Variants in SVEP1 observed in about 807,000 individuals in gnomAD.
The protein encoded by SVEP1 is sushi, von Willebrand factor type A, EGF and pentraxin domain-containing protein 1.
A neutral mutation model predicts 367.3 loss-of-function variants in SVEP1; 164 were observed. That is an observed-to-expected ratio of 0.45 (90% CI 0.39 to 0.51). The LOEUF (loss-of-function observed/expected upper bound fraction) is 0.51. Among genes scored for constraint, SVEP1 ranks in the 20% least tolerant of loss-of-function variants. The pLI is 0.00. For synonymous variants in SVEP1, 1,666 were observed against 1,611.6 expected (o/e 1.03, Z -0.81); for missense variants, 4,117 against 4,425.3 (o/e 0.93, Z 1.98).
chr9:110,456,667 A>G (rs763996460), intron 21 of SVEP1, among the ~76,000 whole-genome samples: 1 of 152,226 alleles, frequency 6.6e-6, no homozygotes, highest in Non-Finnish European at 1.5e-5. Context: ...ATTATTTTAA[A>G]TTAATTGCAA....
intron 21 of SVEP1, 90 bp from the exon 22 acceptor site, chr9:110,455,793 A>C (rs1828768210): frequency 5.8e-6 from 6 of 1,041,492 alleles, no homozygotes; most frequent in Non-Finnish European, 8.0e-6. Flanking sequence ...TATCTCAATA[A>C]TCAGAATTTT....
At chr9:110,573,479 C>T (rs2118887614) in intron 1 of SVEP1, among the ~76,000 whole-genome samples, 1 of 152,268 alleles carries the variant, frequency 6.6e-6, no homozygotes, top group East Asian at 1.9e-4. Context: ...AGTCCTCTGA[C>T]CATCTAAAGC....
At chr9:110,429,859 A>G (rs1382749672) in intron 34 of SVEP1, 61 bp downstream of exon 34, 3 of 1,405,992 alleles carry the variant, frequency 2.1e-6, no homozygotes, top group African/African-American at 1.4e-5. Flanking sequence ...TTTCAGTGTT[A>G]TATCACTACC....
Position 110,456,049 on chromosome 9 carries a change from TA to T in SVEP1, c.3674-347del, listed in dbSNP as rs534937999. Among the ~76,000 whole-genome samples, 4 of 152,162 alleles carry T rather than the reference TA, an allele frequency of 2.6e-5. No homozygotes were observed. In the South Asian group the frequency reaches 8.3e-4, roughly 32 times the overall value. ...TATGTGCTACCAAGGTCACCTGGCT[TA>T]GGGGTGGAGGTGGGGCTAAAGCCTG... is the stretch of plus-strand genomic sequence containing the variant. On this transcript the variant is annotated intron_variant, in intron 21 of 47. Transcript: ENST00000374469.
intron 1 of SVEP1, among the ~76,000 whole-genome samples, chr9:110,564,803 T>C (rs1348290121): frequency 6.6e-6 from 1 of 151,620 alleles, no homozygotes; most frequent in Admixed American, 6.6e-5. Context: ...AGAAGATTAA[T>C]TATCTGTATT....
rs772156091 is a variant in SVEP1, at chr9:110,408,544, C to G, written c.7056G>C (p.Gly2352=). 19 of 1,613,760 alleles carry G rather than the reference C, an allele frequency of 1.2e-5. 1 individual carries two copies. In the East Asian group the frequency reaches 3.8e-4, roughly 32 times the overall value. ...VGVVTFSCKE[G]HVLQGPSVLK... ...GGACAGAGGGGCCTTGCAGGACATG[C>G]CCTTCTTTACAGGAAAATGTCACAA... Residue 2352 remains glycine, a synonymous_variant, in exon 38 of 48, where the codon GGG becomes GGC. Transcript: ENST00000374469.
chr9:110,543,799 A>G (rs1167588075), intron 3 of SVEP1, among the ~76,000 whole-genome samples: 1 of 152,096 alleles, frequency 6.6e-6, no homozygotes, highest in Non-Finnish European at 1.5e-5. Flanking sequence ...ATGGGGGAGT[A>G]AGGAATAGGG....
At chr9:110,566,165 A>G (rs1830490205) in intron 1 of SVEP1, among the ~76,000 whole-genome samples, 1 of 151,486 alleles carries the variant, frequency 6.6e-6, no homozygotes, top group Non-Finnish European at 1.5e-5. Flanking sequence ...AAAAAAATAC[A>G]AAAAGAATTA....
At chr9:110,464,464 T>C (rs775874991) in intron 18 of SVEP1, among the ~76,000 whole-genome samples, 1 of 152,204 alleles carries the variant, frequency 6.6e-6, no homozygotes. Flanking sequence ...CCAATGCACT[T>C]ATGAGGACTA....
chr9:110,389,536 C>T lies in SVEP1; in HGVS notation c.9874G>A (p.Ala3292Thr). The change falls in exon 41 of 48, where the codon GCA becomes ACA. Residue 3292 changes from alanine (A) to threonine (T), a missense_variant. Coordinates refer to ENST00000374469, the MANE Select transcript of SVEP1 (RefSeq NM_153366.4). Reference sequence around the variant, plus strand: ...TCATTCAACTCACCTTTGCATATTGCCACCCCTCCACTCCACTGTCTGTTC... The same window carrying T: ...TCATTCAACTCACCTTTGCATATTGTCACCCCTCCACTCCACTGTCTGTTC... ...QENRQWSGGV[A>T]ICKETRCETP... is the part of the protein sequence containing the mutation. 3 of 1,613,596 alleles carry T rather than the reference C, an allele frequency of 1.9e-6. No individual in the cohort carries two copies. The highest frequency in any genetic ancestry group is 2.5e-6 in the Non-Finnish European group (3 of 1,179,728).
Position 110,579,321 on chromosome 9 carries a change from G to A in SVEP1, c.223C>T (p.Leu75=), listed in dbSNP as rs753330862. ...TCCAGGCGCTCGCTGAGCTCCCGCAGCAGCCGCACGCGTCGCCGGAACGCC... is the reference window on the plus strand; with the variant it reads ...TCCAGGCGCTCGCTGAGCTCCCGCAACAGCCGCACGCGTCGCCGGAACGCC... ...GQAFRRRVRL[L]RELSERLELV... The change falls in exon 1 of 48, where the codon CTG becomes TTG. Residue 75 remains leucine (L), a synonymous_variant. Transcript: ENST00000374469. The surrounding 1 kb of genome is among the most constrained non-coding windows in gnomAD (Gnocchi z 5.3). The A allele has an allele frequency of 2.6e-6, 4 of 1,560,330 alleles. No individual in the cohort carries two copies. The highest frequency in any genetic ancestry group is 3.5e-6 in the Non-Finnish European group (4 of 1,154,042).
intron 7 of SVEP1, among the ~76,000 whole-genome samples, chr9:110,498,723 A>C (rs1829487564): frequency 7.2e-5 from 11 of 152,160 alleles, no homozygotes; most frequent in Admixed American, 7.2e-4. Flanking sequence ...CTTCTTTTTG[A>C]AAATCAATTC....
chr9:110,429,187 A>G lies in SVEP1; in HGVS notation c.5763T>C (p.Leu1921=), dbSNP rs1305437408. The G allele has an allele frequency of 6.3e-7, 1 of 1,599,236 alleles. No individual in the cohort carries two copies. ...AATATGATGCAGTAGAAAGGTAGGT[A>G]AGCCCACTCAAAATATATTTTCCAT... The part of the protein sequence containing the change: ...INNGKYILSG[L]TYLSTASYSC... Residue 1921 remains leucine, a synonymous_variant, in exon 35 of 48, where the codon CTT becomes CTC. Transcript: ENST00000374469.
intron 18 of SVEP1, among the ~76,000 whole-genome samples, chr9:110,460,877 A>G (rs188769347): frequency 6.6e-6 from 1 of 152,354 alleles, no homozygotes; most frequent in Non-Finnish European, 1.5e-5. Context: ...ATTTGATGAC[A>G]AAGCTTTATT....
intron 8 of SVEP1, 131 bp downstream of exon 8, chr9:110,496,684 A>G: frequency 1.7e-6 from 1 of 588,326 alleles, no homozygotes. Context: ...CATCTATCCT[A>G]TTAGTTCTGT....
chr9:110,375,503 G>A, intron 45 of SVEP1, 40 bp from the exon 46 acceptor site: 3 of 1,489,106 alleles, frequency 2.0e-6, no homozygotes, highest in Non-Finnish European at 2.7e-6. Flanking sequence ...AGGCAGGGGG[G>A]ATTGAAATGG....
At chr9:110,524,602 AC>A (rs1829918484) in intron 3 of SVEP1, among the ~76,000 whole-genome samples, 1 of 152,296 alleles carries the variant, frequency 6.6e-6, no homozygotes, top group East Asian at 1.9e-4. Context: ...ATATCTGCAA[AC>A]AAAATTGTCA....
intron 1 of SVEP1, among the ~76,000 whole-genome samples, chr9:110,571,746 A>C (rs916571363): frequency 5.3e-5 from 8 of 152,338 alleles, no homozygotes; most frequent in African/African-American, 1.9e-4. Context: ...TGATTGTTCC[A>C]TGTCAGGCCA....
intron 16 of SVEP1, 77 bp from the exon 17 acceptor site, chr9:110,469,178 G>T: frequency 7.0e-7 from 1 of 1,424,630 alleles, no homozygotes; most frequent in Non-Finnish European, 9.4e-7. Context: ...CCTAAGACAT[G>T]AAAGTAATAA....
Sources: allele counts gnomAD v4.1 joint callset (sites outside exome capture counted in the v4.1 genomes callset), GRCh38; gene constraint gnomAD v4.1.1; non-coding constraint Gnocchi (gnomAD v3.1); transcripts MANE v1.5; gene names NCBI Gene and HGNC (gene_info 2026-07-23, HGNC 2026-07-21).